Variants in AFDN observed in about 807,000 individuals in gnomAD.
AFDN encodes afadin, adherens junction formation factor, also known as afadin.
AFDN carries 68 observed loss-of-function variants against 216.6 expected under a neutral mutation model. The observed-to-expected ratio is 0.31, with a 90% CI of 0.26 to 0.38. AFDN has a LOEUF of 0.38. AFDN is among the 10% of genes least tolerant of loss of function. AFDN has a pLI of 1.00. For missense variants in AFDN, 2,136 were observed against 2,342.0 expected (o/e 0.91, Z 1.82); for synonymous variants, 868 against 853.7 (o/e 1.02, Z -0.29).
rs1795549410 is a variant in AFDN at position 167,948,171 on chromosome 6, A to G, written c.3646-122A>G. The G allele has an allele frequency of 7.7e-6, 7 of 905,034 alleles. No homozygotes were observed. In the South Asian group the frequency reaches 1.3e-4, roughly 17 times the overall value. The allele number at this position is 905,034 out of a possible 1,614,324, so 56.1% of individuals were successfully genotyped here. On this transcript the variant is annotated intron_variant, in intron 28 of 33. Coordinates refer to ENST00000683244, the MANE Select transcript of AFDN (RefSeq NM_001386888.1). ...TGTTATTTATTCTCAGTATGGATCA[A>G]ACACTTTTTAATGCAGTATTTAACA...
intron 23 of AFDN, among the ~76,000 whole-genome samples, chr6:167,941,711 A>C (rs1385514939): frequency 9.1e-5 from 5 of 54,836 alleles, no homozygotes; most frequent in Non-Finnish European, 9.8e-5. Flanking sequence ...AGAGGGATGT[A>C]GGGGTGAGGG....
rs1302866111 is a variant in AFDN at position 167,880,534 on chromosome 6, A to G, written c.897+17A>G. On this transcript the variant is annotated intron_variant, in intron 6 of 33. Transcript: ENST00000683244. The stretch of plus-strand genomic sequence containing the variant: ...ATCGCCCGGGTAAGGAACTTTATCA[A>G]ATCAGTAGTTCTTTCTACTTCACAT... 5 of 1,610,572 alleles carry G rather than the reference A, an allele frequency of 3.1e-6. No individual in the cohort carries two copies. The highest frequency in any genetic ancestry group is 4.2e-6 in the Non-Finnish European group (5 of 1,178,280).
chr6:167,948,951 C>T (rs1406208723), intron 29 of AFDN, among the ~76,000 whole-genome samples: 1 of 152,150 alleles, frequency 6.6e-6, no homozygotes, highest in Non-Finnish European at 1.5e-5. Flanking sequence ...AAGGGCCTTC[C>T]AGGAGGAGGG....
intron 31 of AFDN, 116 bp from the exon 32 acceptor site, chr6:167,965,641 A>G: frequency 1.1e-6 from 1 of 941,170 alleles, no homozygotes; most frequent in Non-Finnish European, 1.5e-6. Flanking sequence ...AGTAATTGTA[A>G]CTATTAAACT....
Position 167,946,718 on chromosome 6 carries a change from C to T in AFDN, c.3370C>T (p.Arg1124Cys), listed in dbSNP as rs756198307. The T allele has an allele frequency of 5.6e-6, 9 of 1,613,784 alleles. No individual in the cohort carries two copies. Among genetic ancestry groups the T allele is most frequent in the East Asian group, 4.5e-5 (2 of 44,846 alleles). Reference sequence around the variant, plus strand: ...TGCTTTGATTCCAGTTTCAGATCGTCGTGGCTCAGGTAAACCCCGACCAAA... The same window carrying T: ...TGCTTTGATTCCAGTTTCAGATCGTTGTGGCTCAGGTAAACCCCGACCAAA... ...SPMMQRISDR[R>C]GSGKPRPKSE... Residue 1124 changes from arginine (R) to cysteine (C), a missense_variant, in exon 27 of 34, where the codon CGT becomes TGT. Coordinates refer to ENST00000683244, the MANE Select transcript of AFDN (RefSeq NM_001386888.1).
chr6:167,828,826 T>A (rs1237688163), intron 1 of AFDN, among the ~76,000 whole-genome samples: 1 of 151,650 alleles, frequency 6.6e-6, no homozygotes, highest in Non-Finnish European at 1.5e-5. Context: ...GAATCTTTTT[T>A]CGGTTTAATA....
At chr6:167,886,547 G>A (rs915044326) in intron 6 of AFDN, among the ~76,000 whole-genome samples, 6 of 152,146 alleles carry the variant, frequency 3.9e-5, no homozygotes, top group Non-Finnish European at 7.4e-5. Context: ...ACAATCCTGG[G>A]CCTTATAAGA....
chr6:167,969,714 AC>A (rs1217322245), intron 33 of AFDN, 67 bp from the exon 34 acceptor site: 1 of 1,463,128 alleles, frequency 6.8e-7, no homozygotes, highest in Admixed American at 2.4e-5. Flanking sequence ...CATTTTGCAA[AC>A]GTGTGTAATT....
At chr6:167,886,886 G>A (rs1692301780) in intron 6 of AFDN, among the ~76,000 whole-genome samples, 1 of 151,962 alleles carries the variant, frequency 6.6e-6, no homozygotes, top group Admixed American at 6.6e-5. Flanking sequence ...ATGGTGGTGG[G>A]CACCTGTAAT....
chr6:167,908,033 C>CA lies in AFDN; in HGVS notation c.1769+745dup, dbSNP rs1789929891. Among the ~76,000 whole-genome samples, 6 of 152,210 alleles carry CA rather than the reference C, an allele frequency of 3.9e-5. No individual in the cohort carries two copies. In the South Asian group the frequency reaches 1.2e-3, roughly 32 times the overall value. Reference sequence around the variant, plus strand: ...TCTACCCCAGAGCTCTGCGGGAACTCAGACAGAAATACAGAAAGACTGCAT... The same window carrying CA: ...TCTACCCCAGAGCTCTGCGGGAACTCAAGACAGAAATACAGAAAGACTGCAT... On this transcript the variant is annotated intron_variant, in intron 13 of 33. Coordinates refer to ENST00000683244, the MANE Select transcript of AFDN (RefSeq NM_001386888.1).
intron 9 of AFDN, among the ~76,000 whole-genome samples, chr6:167,895,644 G>A (rs1206257266): frequency 6.6e-6 from 1 of 152,158 alleles, no homozygotes; most frequent in Non-Finnish European, 1.5e-5. Flanking sequence ...AACAGGACTT[G>A]CATTTTTATG....
intron 1 of AFDN, among the ~76,000 whole-genome samples, chr6:167,846,365 T>C (rs1488844009): frequency 2.6e-5 from 4 of 152,180 alleles, no homozygotes; most frequent in African/African-American, 9.7e-5. Flanking sequence ...ACTACAAAAA[T>C]ACTAAAATAA....
chr6:167,894,391 T>C (rs1275637057), intron 9 of AFDN, among the ~76,000 whole-genome samples: 1 of 152,188 alleles, frequency 6.6e-6, no homozygotes, highest in Non-Finnish European at 1.5e-5. Flanking sequence ...TCAGGCACTT[T>C]GGGCAGAAAT....
chr6:167,934,530 A>G (rs1325422042), intron 23 of AFDN, among the ~76,000 whole-genome samples: 1 of 152,208 alleles, frequency 6.6e-6, no homozygotes, highest in Non-Finnish European at 1.5e-5. Context: ...GCGAGCGGGC[A>G]GAGTGTCAAC....
chr6:167,944,138 A>G, intron 26 of AFDN, 79 bp downstream of exon 26: 1 of 1,077,098 alleles, frequency 9.3e-7, no homozygotes. Flanking sequence ...TGGAGGAGGT[A>G]CTGGTGTTAC....
chr6:167,842,502 CTG>C (rs909621561), intron 1 of AFDN, among the ~76,000 whole-genome samples: 1 of 151,936 alleles, frequency 6.6e-6, no homozygotes, highest in African/African-American at 2.4e-5. Context: ...TGACTTCAAA[CTG>C]TGTATGCTTA....
At chr6:167,909,376 G>T (rs1295621694) in intron 13 of AFDN, among the ~76,000 whole-genome samples, 1 of 151,442 alleles carries the variant, frequency 6.6e-6, no homozygotes, top group Non-Finnish European at 1.5e-5. Flanking sequence ...CATGGAGAAG[G>T]TGAGGATGGA....
At chr6:167,858,704 A>G (rs1438698484) in intron 1 of AFDN, among the ~76,000 whole-genome samples, 3 of 152,224 alleles carry the variant, frequency 2.0e-5, no homozygotes, top group Non-Finnish European at 4.4e-5. Context: ...ATGAAGGTGT[A>G]AATTCTTTTT....
At chr6:167,936,129 T>C (rs1793970642) in intron 23 of AFDN, among the ~76,000 whole-genome samples, 1 of 152,240 alleles carries the variant, frequency 6.6e-6, no homozygotes, top group Non-Finnish European at 1.5e-5. Flanking sequence ...CATTCTTTTT[T>C]CCATACTAAG....
Sources: allele counts gnomAD v4.1 joint callset (sites outside exome capture counted in the v4.1 genomes callset), GRCh38; gene constraint gnomAD v4.1.1; transcripts MANE v1.5; gene names NCBI Gene and HGNC (gene_info 2026-07-23, HGNC 2026-07-21).